The following NISCH variants were observed in gnomAD, a reference collection of about 807,000 sequenced individuals.
The protein encoded by NISCH is I-1 receptor candidate protein.
A neutral mutation model predicts 138.4 loss-of-function variants in NISCH; 55 were observed. The ratio of observed to expected loss-of-function variants is 0.40; its 90% CI spans 0.32 to 0.50. The LOEUF (loss-of-function observed/expected upper bound fraction) is 0.50. NISCH is among the 20% of genes least tolerant of loss of function. The pLI, the probability that NISCH is intolerant of heterozygous loss-of-function variation, is 0.71. For missense variants in NISCH, 1,643 were observed against 2,005.5 expected (o/e 0.82, Z 3.45); for synonymous variants, 860 against 861.5 (o/e 1.00, Z 0.03).
chr3:52,480,835 C>T (rs1463884083), intron 13 of NISCH: 1 of 1,529,208 alleles, frequency 6.5e-7, no homozygotes, highest in African/African-American at 1.4e-5. Context: ...ATTCGTCTGC[C>T]CACTATCTTA....
chr3:52,487,506 G>C lies in NISCH; in HGVS notation c.2014G>C (p.Glu672Gln), dbSNP rs148434820. The part of the protein sequence containing the change: ...VEEEEGGGQG[E>Q]EEEEEEEDEE... ...GGAGGAGGAGGGAGGAGGCCAGGGG[G>C]AGGAAGAGGAGGAGGAAGAGGAGGA... The change falls in exon 16 of 21, where the codon GAG becomes CAG. Residue 672 changes from glutamate to glutamine, a missense_variant. Physicochemically the swap from Glu to Gln is conservative, Grantham distance 29 (BLOSUM62 2). Transcript: ENST00000345716. This position sits in a 1 kb window ranked among gnomAD's most constrained non-coding sequence, Gnocchi z 9.1. 6.3e-7 allele frequency: 1 copy of C among 1,597,622 alleles called. No individual in the cohort carries two copies. Among genetic ancestry groups the C allele is most frequent in the South Asian group, 1.1e-5 (1 of 89,934 alleles).
chr3:52,473,905 A>T (rs1332661148), intron 7 of NISCH, 76 bp downstream of exon 7: 6 of 931,156 alleles, frequency 6.4e-6, no homozygotes, highest in Non-Finnish European at 1.0e-5. Context: ...ACCACTAAGG[A>T]TGGGTGAGGA....
intron 4 of NISCH, 98 bp from the exon 5 acceptor site, chr3:52,471,716 C>G: frequency 7.0e-7 from 1 of 1,431,174 alleles, no homozygotes; most frequent in African/African-American, 1.5e-5. Context: ...ACAGTGGGTG[C>G]TTGCCAACTG....
intron 13 of NISCH, 51 bp from the exon 14 acceptor site, chr3:52,484,462 T>TCGCCCC: frequency 3.8e-6 from 3 of 788,670 alleles, no homozygotes; most frequent in Non-Finnish European, 5.5e-6. Flanking sequence ...ACAGCCGCTC[T>TCGCCCC]CCCCGCCCCA....
chr3:52,470,273 G>A (rs1294954575), intron 3 of NISCH, among the ~76,000 whole-genome samples: 2 of 152,186 alleles, frequency 1.3e-5, no homozygotes, highest in Middle Eastern at 3.4e-3. Context: ...AATCCTTCCC[G>A]CTTCTTTCTT....
chr3:52,492,188 G>A lies in NISCH; in HGVS notation c.4221G>A (p.Leu1407=), dbSNP rs1271261356. 4 of 1,613,108 alleles carry A rather than the reference G, an allele frequency of 2.5e-6. No homozygotes were observed. In the Admixed American group the frequency reaches 5.0e-5, roughly 20 times the overall value. Residue 1407 remains leucine (L), a synonymous_variant, in exon 21 of 21, where the codon CTG becomes CTA. Transcript: ENST00000345716. The stretch of plus-strand genomic sequence containing the variant: ...CGCCGCAGAGAGACAGGTACCGGCT[G>A]GACGATGGCCGCCGCGTCCGGGACC... ...KEPPQRDRYR[L]DDGRRVRDLD...
At chr3:52,465,877 C>T (rs1213207676) in intron 3 of NISCH, among the ~76,000 whole-genome samples, 1 of 152,130 alleles carries the variant, frequency 6.6e-6, no homozygotes, top group Admixed American at 6.5e-5. Flanking sequence ...GAGTGTTGGG[C>T]CTGAGGTTAG....
At position 52,492,454 on chromosome 3, in the gene NISCH, G is replaced by C; in HGVS notation, c.4487G>C (p.Arg1496Pro). ...CGCCAGTGGGAGGCCCTGTGTGGCC[G>C]TGAGCTGCCTGTCGAGCTCACCGGC... The part of the protein sequence containing the change: ...LARQWEALCG[R>P]ELPVELTG Residue 1496 changes from arginine to proline, a missense_variant, in exon 21 of 21, where the codon CGT (arginine) becomes CCT (proline). By Grantham distance (103) the Arg-to-Pro change is moderately radical. Transcript: ENST00000345716. The C allele has an allele frequency of 6.2e-7, 1 of 1,607,862 alleles. No homozygotes were observed. Among genetic ancestry groups the C allele is most frequent in the Non-Finnish European group, 8.5e-7 (1 of 1,177,578 alleles).
intron 13 of NISCH, among the ~76,000 whole-genome samples, chr3:52,482,320 G>A (rs1360692008): frequency 6.6e-6 from 1 of 152,188 alleles, no homozygotes; most frequent in East Asian, 1.9e-4. Context: ...TGAAGGGGGC[G>A]CTGTCCAGAC....
intron 3 of NISCH, among the ~76,000 whole-genome samples, chr3:52,460,400 A>ATTTT (rs60949920): frequency 4.4e-5 from 5 of 114,438 alleles, no homozygotes; most frequent in Non-Finnish European, 9.0e-5. Context: ...TGGCTGTACT[A>ATTTT]TTTTTTTTTT....
chr3:52,460,864 A>G (rs1706612074), intron 3 of NISCH, among the ~76,000 whole-genome samples: 1 of 152,228 alleles, frequency 6.6e-6, no homozygotes, highest in African/African-American at 2.4e-5. Flanking sequence ...TGATGAAGAC[A>G]GGGAAGAATC....
At chr3:52,470,353 A>G (rs1207443660) in intron 3 of NISCH, among the ~76,000 whole-genome samples, 1 of 151,934 alleles carries the variant, frequency 6.6e-6, no homozygotes, top group East Asian at 1.9e-4. Context: ...ACAAGTGTTC[A>G]CTCTTTTCCT....
chr3:52,474,797 T>C (rs1228019148), intron 7 of NISCH, among the ~76,000 whole-genome samples: 2 of 152,220 alleles, frequency 1.3e-5, no homozygotes, highest in African/African-American at 4.8e-5. Flanking sequence ...ATTAATTAGA[T>C]TGATAACTAA....
chr3:52,484,497 G>A lies in NISCH; in HGVS notation c.1529-16G>A, dbSNP rs764266152. The stretch of plus-strand genomic sequence containing the variant: ...ACCCACCCTGCCTGCCTGCCCACCC[G>A]CCCTGGTCTCTCCAGGAATCATGTT... On this transcript the variant is annotated splice_polypyrimidine_tract_variant and intron_variant, in intron 13 of 20. Coordinates refer to ENST00000345716, the MANE Select transcript of NISCH (RefSeq NM_007184.4). 4.1e-4 allele frequency: 163 copies of A among 398,074 alleles called. No homozygotes were observed. The East Asian group carries it at 0.017, about 41-fold the overall frequency. 24.7% of individuals were successfully genotyped at this position (398,074 alleles called of 1,614,324 possible).
rs1706544543 is a variant in NISCH at position 52,458,648 on chromosome 3, A to T, written c.178-14A>T. 1 of 1,608,582 alleles carries T rather than the reference A, an allele frequency of 6.2e-7. No individual in the cohort carries two copies. Among genetic ancestry groups the T allele is most frequent in the Non-Finnish European group, 8.5e-7 (1 of 1,177,604 alleles). Reference sequence around the variant, plus strand: ...CTCTTAGTCTGTGGTTGATGTGCTTATGTTTTTTTACAGCTCGTTGCAGAG... The same window carrying T: ...CTCTTAGTCTGTGGTTGATGTGCTTTTGTTTTTTTACAGCTCGTTGCAGAG... On this transcript the variant is annotated splice_polypyrimidine_tract_variant and intron_variant, in intron 2 of 20. Coordinates refer to ENST00000345716, the MANE Select transcript of NISCH (RefSeq NM_007184.4).
rs188985048 is a variant in NISCH at position 52,485,687 on chromosome 3, G to A, written c.1654-91G>A. The stretch of plus-strand genomic sequence containing the variant: ...GAGCCTCCTCAGGGCGGTGATGGAG[G>A]GCAGAATGCCCAGCTCAGGGTCTGG... On this transcript the variant is annotated intron_variant, in intron 14 of 20. Coordinates refer to ENST00000345716, the MANE Select transcript of NISCH (RefSeq NM_007184.4). 3.3e-3 allele frequency: 4,619 copies of A among 1,414,642 alleles called. 14 individuals are homozygous for A. Among genetic ancestry groups the A allele is most frequent in the Non-Finnish European group, 2.9e-3 (3,009 of 1,023,538 alleles). 87.6% of individuals were successfully genotyped at this position (1,414,642 alleles called of 1,614,324 possible).
At chr3:52,483,274 A>G (rs1159812587) in intron 13 of NISCH, among the ~76,000 whole-genome samples, 6 of 151,958 alleles carry the variant, frequency 3.9e-5, no homozygotes, top group Admixed American at 3.3e-4. Flanking sequence ...TGTCCCGGGG[A>G]GCAGCTGAGC....
chr3:52,484,462 T>TAGGCCCCC, intron 13 of NISCH, 51 bp from the exon 14 acceptor site: 1 of 788,670 alleles, frequency 1.3e-6, no homozygotes, highest in Non-Finnish European at 1.8e-6. Context: ...ACAGCCGCTC[T>TAGGCCCCC]CCCCGCCCCA....
Position 52,488,299 on chromosome 3 carries a change from G to A in NISCH, c.2807G>A (p.Arg936His), listed in dbSNP as rs377164178. 3.0e-5 allele frequency: 49 copies of A among 1,610,860 alleles called. No homozygotes were observed. In the Middle Eastern group the frequency reaches 9.9e-4, roughly 32 times the overall value. The part of the protein sequence containing the change: ...PMPNRGTHNC[R>H]NRNSFKLSRV... ...CCCAACCGTGGCACCCACAACTGTC[G>A]CAACCGCAACAGCTTCAAGCTCAGC... Residue 936 changes from arginine (R) to histidine (H), a missense_variant, in exon 16 of 21, where the codon CGC (arginine) becomes CAC (histidine). Physicochemically the swap from Arg to His is conservative, Grantham distance 29 (BLOSUM62 0). Transcript: ENST00000345716.
Sources: gnomAD v4.1 joint callset for allele counts (sites outside exome capture counted in the v4.1 genomes callset) on GRCh38, gnomAD v4.1.1 for gene constraint, Gnocchi (gnomAD v3.1) non-coding constraint, MANE v1.5 for transcripts, NCBI Gene and HGNC (gene_info 2026-07-23, HGNC 2026-07-21) for gene names.